PPM1H: variants seen among roughly 807,000 people sequenced by gnomAD.
PPM1H encodes the protein protein phosphatase, Mg2+/Mn2+ dependent 1H.
In PPM1H, 27 loss-of-function variants were observed where a neutral mutation model predicts 54.9. The observed-to-expected ratio is 0.49, with a 90% CI of 0.36 to 0.68. The LOEUF is 0.68. PPM1H is among the 30% of genes least tolerant of loss of function. The pLI is 0.00. For synonymous variants in PPM1H, 305 were observed against 270.8 expected (o/e 1.13, Z -1.24); for missense variants, 596 against 667.8 (o/e 0.89, Z 1.19).
At chr12:62,668,235 T>C (rs1364385058) in intron 8 of PPM1H, among the ~76,000 whole-genome samples, 1 of 152,018 alleles carries the variant, frequency 6.6e-6, no homozygotes, top group African/African-American at 2.4e-5. Flanking sequence ...GATAGGGAGG[T>C]GTGGAGAGGG....
chr12:62,709,446 A>G (rs2076194258), intron 6 of PPM1H, among the ~76,000 whole-genome samples: 1 of 152,080 alleles, frequency 6.6e-6, no homozygotes, highest in Non-Finnish European at 1.5e-5. Context: ...AAATTCCCAA[A>G]ACACACATCA....
intron 4 of PPM1H, among the ~76,000 whole-genome samples, chr12:62,750,191 T>G (rs1209158908): frequency 3.3e-5 from 5 of 152,238 alleles, no homozygotes; most frequent in Non-Finnish European, 5.9e-5. Flanking sequence ...CTCAGGGTTG[T>G]GCAACCATCA....
At chr12:62,895,704 G>A (rs762168123) in intron 1 of PPM1H, among the ~76,000 whole-genome samples, 28 of 152,250 alleles carry the variant, frequency 1.8e-4, no homozygotes, top group Non-Finnish European at 2.8e-4. Flanking sequence ...GTTGAAAAGA[G>A]CCTGGGGGCC....
intron 1 of PPM1H, among the ~76,000 whole-genome samples, chr12:62,912,835 G>A (rs979211017): frequency 6.6e-6 from 1 of 152,194 alleles, no homozygotes; most frequent in Non-Finnish European, 1.5e-5. Flanking sequence ...TTCCCCAGCT[G>A]TTCCTAGGTA....
intron 8 of PPM1H, among the ~76,000 whole-genome samples, chr12:62,668,861 C>T (rs2075936885): frequency 6.6e-6 from 1 of 152,248 alleles, no homozygotes; most frequent in Non-Finnish European, 1.5e-5. Flanking sequence ...TTTGTCCAGG[C>T]TAGTGATGCC....
At chr12:62,682,519 A>G (rs2076024769) in intron 8 of PPM1H, among the ~76,000 whole-genome samples, 1 of 152,204 alleles carries the variant, frequency 6.6e-6, no homozygotes, top group Non-Finnish European at 1.5e-5. Context: ...AGGAATTCTA[A>G]GAGACAAGGT....
intron 1 of PPM1H, among the ~76,000 whole-genome samples, chr12:62,931,217 A>G (rs1396995360): frequency 1.3e-5 from 2 of 152,216 alleles, no homozygotes; most frequent in African/African-American, 4.8e-5. Context: ...CACTTTCTAG[A>G]GAGGTAAACA....
chr12:62,924,213 T>TC (rs1555206135), intron 1 of PPM1H, among the ~76,000 whole-genome samples: 1 of 150,858 alleles, frequency 6.6e-6, no homozygotes. Context: ...AGGCCCAGAG[T>TC]GGGGGGGGCA....
At chr12:62,842,510 A>G (rs957153036) in intron 1 of PPM1H, among the ~76,000 whole-genome samples, 2 of 152,220 alleles carry the variant, frequency 1.3e-5, no homozygotes, top group African/African-American at 4.8e-5. Flanking sequence ...AAACATATAC[A>G]TTTTTAATTG....
At chr12:62,932,628 C>CTTTTTTTTTTTGTTTTTTT (rs1872178290) in intron 1 of PPM1H, among the ~76,000 whole-genome samples, 1 of 54,012 alleles carries the variant, frequency 1.9e-5, no homozygotes, top group Non-Finnish European at 3.2e-5. Flanking sequence ...TCCAAATGGG[C>CTTTTTTTTTTTGTTTTTTT]TTTTTTTTTT....
intron 8 of PPM1H, among the ~76,000 whole-genome samples, chr12:62,684,047 C>T (rs2076038287): frequency 6.6e-6 from 1 of 152,198 alleles, no homozygotes; most frequent in Non-Finnish European, 1.5e-5. Flanking sequence ...TCCTTCTCCA[C>T]TGAACTCTTT....
chr12:62,714,069 C>T (rs992388979), intron 6 of PPM1H, among the ~76,000 whole-genome samples: 3 of 152,162 alleles, frequency 2.0e-5, no homozygotes, highest in African/African-American at 2.4e-5. Context: ...ACTATACCCA[C>T]GCTCTTCTAC....
intron 8 of PPM1H, among the ~76,000 whole-genome samples, chr12:62,680,158 G>C (rs1471868598): frequency 6.6e-6 from 1 of 152,082 alleles, no homozygotes; most frequent in Non-Finnish European, 1.5e-5. Context: ...CTTAGGCTAG[G>C]TTTTAAGAAG....
At chr12:62,876,745 C>T (rs2121026036) in intron 1 of PPM1H, among the ~76,000 whole-genome samples, 1 of 152,210 alleles carries the variant, frequency 6.6e-6, no homozygotes, top group East Asian at 1.9e-4. Flanking sequence ...GGGCTGAGTG[C>T]CACTTCACAG....
At chr12:62,800,846 C>T (rs1463962167) in intron 3 of PPM1H, among the ~76,000 whole-genome samples, 5 of 152,140 alleles carry the variant, frequency 3.3e-5, no homozygotes. Flanking sequence ...TCTATGTGCA[C>T]TCCTGCCAGG....
chr12:62,688,212 G>C (rs1351774510), intron 8 of PPM1H, among the ~76,000 whole-genome samples: 1 of 152,074 alleles, frequency 6.6e-6, no homozygotes, highest in Non-Finnish European at 1.5e-5. Flanking sequence ...TGTTGGGACA[G>C]AGGCTGCCCC....
chr12:62,818,323 G>A (rs571905500), intron 2 of PPM1H, among the ~76,000 whole-genome samples: 5 of 152,212 alleles, frequency 3.3e-5, no homozygotes, highest in Non-Finnish European at 4.4e-5. Context: ...GAAAAGCTGT[G>A]TTTTCACCTG....
At chr12:62,667,494 T>TCTCCCTTGGAGACTTG (rs1157471103) in intron 8 of PPM1H, among the ~76,000 whole-genome samples, 165 bp from the exon 9 acceptor site, 5 of 152,202 alleles carry the variant, frequency 3.3e-5, no homozygotes, top group Non-Finnish European at 7.3e-5. Flanking sequence ...CCAGGGATAG[T>TCTCCCTTGGAGACTTG]CTCCCTTGGA....
At chr12:62,873,514 G>GT (rs1436453868) in intron 1 of PPM1H, among the ~76,000 whole-genome samples, 1 of 152,136 alleles carries the variant, frequency 6.6e-6, no homozygotes, top group Non-Finnish European at 1.5e-5. Flanking sequence ...GCAAGTCAAG[G>GT]TAATTATCCC....
Sources: allele counts gnomAD v4.1 joint callset (sites outside exome capture counted in the v4.1 genomes callset), GRCh38; gene constraint gnomAD v4.1.1; transcripts MANE v1.5; gene names NCBI Gene and HGNC (gene_info 2026-07-23, HGNC 2026-07-21).